Variants in TFEC observed in about 807,000 individuals in gnomAD.
TFEC encodes the protein transcription factor EC, also known as class E basic helix-loop-helix protein 34.
A neutral mutation model predicts 41.6 loss-of-function variants in TFEC; 31 were observed. That is an observed-to-expected ratio of 0.74 (90% CI 0.56 to 1.01). The LOEUF (loss-of-function observed/expected upper bound fraction) is 1.01. Among genes scored for constraint, TFEC ranks in the 50% least tolerant of loss-of-function variants. The pLI is 0.00. For missense variants in TFEC, 402 were observed against 404.1 expected, an observed-to-expected ratio of 0.99 and a Z score of 0.04; for synonymous variants, 143 against 140.6, an observed-to-expected ratio of 1.02 and a Z score of -0.12.
intron 2 of TFEC, among the ~76,000 whole-genome samples, chr7:115,979,037 C>T (rs1265578158): frequency 6.6e-6 from 1 of 152,160 alleles, no homozygotes; most frequent in Non-Finnish European, 1.5e-5. Context: ...TCACCAACAT[C>T]TCCACGTGAT....
At chr7:116,118,361 A>G (rs1445586487) in intron 1 of TFEC, among the ~76,000 whole-genome samples, 1 of 151,870 alleles carries the variant, frequency 6.6e-6, no homozygotes, top group East Asian at 1.9e-4. Flanking sequence ...AAATTATCAA[A>G]TGTTTTCTCA....
intron 3 of TFEC, among the ~76,000 whole-genome samples, chr7:116,065,511 A>G (rs1458975411): frequency 6.6e-6 from 1 of 152,156 alleles, no homozygotes; most frequent in Non-Finnish European, 1.5e-5. Context: ...GAAAGAGGTG[A>G]TTTCTGGTCC....
intron 1 of TFEC, among the ~76,000 whole-genome samples, chr7:116,150,803 T>A (rs956207724): frequency 6.6e-6 from 1 of 151,922 alleles, no homozygotes; most frequent in African/African-American, 2.4e-5. Flanking sequence ...AGAGGTAGAG[T>A]AAGGGTGATT....
At chr7:116,068,426 G>A (rs1474428843) in intron 3 of TFEC, among the ~76,000 whole-genome samples, 1 of 151,666 alleles carries the variant, frequency 6.6e-6, no homozygotes, top group Non-Finnish European at 1.5e-5. Context: ...TATAGTGTGG[G>A]TACATAGGTA....
Position 116,158,210 on chromosome 7 carries a change from A to T in TFEC, c.-69+1580T>A, listed in dbSNP as rs73448545. Among the ~76,000 whole-genome samples, 455 of 152,080 alleles carry T rather than the reference A, an allele frequency of 3.0e-3. 4 individuals carry two copies. The highest frequency in any genetic ancestry group is 0.011 in the African/African-American group (440 of 41,498). On this transcript the variant is annotated intron_variant, in intron 1 of 8. Coordinates refer to the TFEC transcript ENST00000484212. ...CTGAGCATCCTATATTTGTCACCTA[A>T]ATTTTTTCAGTATAATGCTATGAAA...
At chr7:116,001,999 G>C (rs892953681) in intron 1 of TFEC, among the ~76,000 whole-genome samples, 1 of 152,148 alleles carries the variant, frequency 6.6e-6, no homozygotes, top group African/African-American at 2.4e-5. Context: ...AGTTAAAATG[G>C]CTTTTAATCC....
At chr7:115,957,858 G>C (rs182129598) in intron 3 of TFEC, among the ~76,000 whole-genome samples, 1 of 151,852 alleles carries the variant, frequency 6.6e-6, no homozygotes, top group Admixed American at 6.6e-5. Flanking sequence ...AATCAGACAG[G>C]AAGTAAATAT....
intron 1 of TFEC, among the ~76,000 whole-genome samples, chr7:116,115,388 T>C (rs949244202): frequency 6.6e-6 from 1 of 152,010 alleles, no homozygotes; most frequent in Admixed American, 6.6e-5. Flanking sequence ...GTCAGCAGGA[T>C]AGAGCTGGCT....
intron 3 of TFEC, among the ~76,000 whole-genome samples, chr7:116,089,459 T>A (rs1797274445): frequency 6.6e-6 from 1 of 152,142 alleles, no homozygotes; most frequent in South Asian, 2.1e-4. Flanking sequence ...AAAGTTTTTG[T>A]ATTGGCCGGA....
intron 3 of TFEC, among the ~76,000 whole-genome samples, chr7:116,040,351 AC>A: frequency 6.6e-6 from 1 of 152,194 alleles, no homozygotes; most frequent in Non-Finnish European, 1.5e-5. Flanking sequence ...CACATATATA[AC>A]TAGAAAGTGA....
chr7:116,117,388 C>A (rs10246006), intron 1 of TFEC: 1 of 151,532 alleles, frequency 6.6e-6, no homozygotes, highest in Non-Finnish European at 1.5e-5. Context: ...CAGACCTCTC[C>A]GTGATTTTTG....
At chr7:115,983,425 T>C (rs1314518731) in intron 2 of TFEC, among the ~76,000 whole-genome samples, 2 of 152,114 alleles carry the variant, frequency 1.3e-5, no homozygotes, top group Admixed American at 1.3e-4. Flanking sequence ...GCTTAATAGA[T>C]GGTAAGCATT....
chr7:115,968,173 A>ATACT (rs1792960094), intron 3 of TFEC: 1 of 1,524,858 alleles, frequency 6.6e-7, no homozygotes, highest in Admixed American at 2.0e-5. Flanking sequence ...ATTCCAAAAT[A>ATACT]TACTTGCTCA....
intron 3 of TFEC, among the ~76,000 whole-genome samples, chr7:115,972,654 T>A (rs1438347099): frequency 6.6e-6 from 1 of 152,154 alleles, no homozygotes; most frequent in Non-Finnish European, 1.5e-5. Flanking sequence ...TTATCAGTTA[T>A]CTTTGGTTAG....
At position 116,052,915 on chromosome 7, in the gene TFEC, CA is replaced by C. The variant is rs1321242131; in HGVS notation, c.198+57792del. Reference sequence around the variant, plus strand: ...AAACCCCGTCTCTACTAAAAAAATACAAAAAAATTAGCTGGGCTTGGTGGCA... The same window carrying C: ...AAACCCCGTCTCTACTAAAAAAATACAAAAAATTAGCTGGGCTTGGTGGCA... On this transcript the variant is annotated intron_variant, in intron 3 of 8. Transcript: ENST00000484212. 1.3e-4 allele frequency among the ~76,000 whole-genome samples: 19 copies of C among 151,454 alleles called. No homozygotes were observed. The East Asian group carries it at 2.4e-3, about 19-fold the overall frequency.
At chr7:115,952,140 A>G (rs1391282132) in intron 5 of TFEC, among the ~76,000 whole-genome samples, 2 of 152,104 alleles carry the variant, frequency 1.3e-5, no homozygotes, top group Admixed American at 6.6e-5. Context: ...TACAAAGCAA[A>G]TTACATGAAT....
In TFEC at chr7:115,942,032, C is replaced by A. The variant is rs759763689; in HGVS notation, c.524G>T (p.Arg175Leu). Reference protein sequence around the residue: ...LIPKSNDPDMRWNKGTILKAS... With the variant: ...LIPKSNDPDMLWNKGTILKAS... ...TTTTAGAATGGTTCCTTTGTTCCAGCGCATATCACTGTAGAATGGAGAGAT... is the reference window on the plus strand; with the variant it reads ...TTTTAGAATGGTTCCTTTGTTCCAGAGCATATCACTGTAGAATGGAGAGAT... The change falls in exon 7 of 8, where the codon CGC (arginine) becomes CTC (leucine). Residue 175 changes from arginine to leucine, a missense_variant. Transcript: ENST00000265440. The A allele has an allele frequency of 1.2e-6, 2 of 1,612,002 alleles. No individual in the cohort carries two copies. The highest frequency in any genetic ancestry group is 1.7e-5 in the Admixed American group (1 of 59,828).
At position 116,156,159 on chromosome 7, in the gene TFEC, T is replaced by C. The variant is rs369848881; in HGVS notation, c.-69+3631A>G. ...TGCTGACAGCAGAGTGGGACACTTA[T>C]GTCTACACTGCCCCAGAGGCTCCCA... On this transcript the variant is annotated intron_variant, in intron 1 of 8. Coordinates refer to the TFEC transcript ENST00000484212. Among the ~76,000 whole-genome samples, 8 of 152,126 alleles carry C rather than the reference T, an allele frequency of 5.3e-5. No individual in the cohort carries two copies. The East Asian group carries it at 5.8e-4, about 11-fold the overall frequency.
At chr7:115,978,991 T>C (rs1165495605) in intron 2 of TFEC, among the ~76,000 whole-genome samples, 2 of 152,126 alleles carry the variant, frequency 1.3e-5, no homozygotes, top group African/African-American at 2.4e-5. Context: ...ACCTCAAATC[T>C]CTTCCTCCAG....
Sources: gnomAD v4.1 joint callset for allele counts (sites outside exome capture counted in the v4.1 genomes callset) on GRCh38, gnomAD v4.1.1 for gene constraint, MANE v1.5 for transcripts, NCBI Gene and HGNC (gene_info 2026-07-23, HGNC 2026-07-21) for gene names.